NFATC2: variants seen among roughly 807,000 people sequenced by gnomAD.
NFATC2 encodes the protein nuclear factor of activated T-cells, cytoplasmic 2.
A neutral mutation model predicts 87.3 loss-of-function variants in NFATC2; 22 were observed. That is an observed-to-expected ratio of 0.25 (90% CI 0.18 to 0.36). The LOEUF (loss-of-function observed/expected upper bound fraction) is 0.36. NFATC2 is among the 10% of genes least tolerant of loss of function. The pLI is 1.00. For missense variants in NFATC2, 1,149 were observed against 1,259.1 expected, an observed-to-expected ratio of 0.91 and a Z score of 1.32; for synonymous variants, 565 against 542.2, an observed-to-expected ratio of 1.04 and a Z score of -0.58.
chr20:51,508,296 G>A (rs1012163509), intron 3 of NFATC2, among the ~76,000 whole-genome samples: 8 of 151,950 alleles, frequency 5.3e-5, no homozygotes, highest in Non-Finnish European at 7.4e-5. Context: ...CGACCCTGGC[G>A]CACCCTCCCC....
rs1419784527 is a variant in NFATC2 at position 51,474,002 on chromosome 20, A to T, written c.1686T>A (p.Thr562=). ...ESSGRIVSLQ[T]ASNPIECSQR... is the part of the protein sequence containing the mutation. ...TACAGCACTCGATGGGGTTAGATGC[A>T]GTCTGTAAAGAGACGATTCTGCCAC... Residue 562 remains threonine (T), a synonymous_variant, in exon 5 of 11, where the codon ACT becomes ACA. Transcript: ENST00000371564. 1 of 1,614,264 alleles carries T rather than the reference A, an allele frequency of 6.2e-7. No homozygotes were observed. The highest frequency in any genetic ancestry group is 8.5e-7 in the Non-Finnish European group (1 of 1,180,034).
At position 51,423,478 on chromosome 20, in the gene NFATC2, G is replaced by T. The variant is rs142970926; in HGVS notation, c.2722+8589C>A. Among the ~76,000 whole-genome samples, 112 of 152,190 alleles carry T rather than the reference G, an allele frequency of 7.4e-4. 1 individual carries two copies. The East Asian group carries it at 0.02, about 28-fold the overall frequency. On this transcript the variant is annotated intron_variant, in intron 9 of 10. Coordinates refer to ENST00000371564, the MANE Select transcript of NFATC2 (RefSeq NM_012340.5). Reference sequence around the variant, plus strand: ...CATAGCACACCCACAGAGCAGGGAAGTGAGTCTTAGCCCTTCTGCCCTGTG... The same window carrying T: ...CATAGCACACCCACAGAGCAGGGAATTGAGTCTTAGCCCTTCTGCCCTGTG...
At chr20:51,437,132 C>T (rs1018046121) in intron 6 of NFATC2, among the ~76,000 whole-genome samples, 1 of 143,458 alleles carries the variant, frequency 7.0e-6, no homozygotes, top group African/African-American at 2.6e-5. Context: ...AAAAAAAAAA[C>T]CCTGCATTTG....
At position 51,432,575 on chromosome 20, in the gene NFATC2, A is replaced by G; in HGVS notation, c.2214T>C (p.Pro738=). The change falls in exon 9 of 11, where the codon CCT becomes CCC. Residue 738 remains proline, a synonymous_variant. Transcript: ENST00000371564. This position sits in a 1 kb window ranked among gnomAD's most constrained non-coding sequence, Gnocchi z 4.6. ...CQQFRTGLSS[P]DARYQQQNPA... ...GGTTCTGTTGCTGGTAGCGGGCGTC[A>G]GGGGATGAGAGCCCCGTGCGGAACT... 1 of 1,533,060 alleles carries G rather than the reference A, an allele frequency of 6.5e-7. No individual in the cohort carries two copies. The highest frequency in any genetic ancestry group is 8.8e-7 in the Non-Finnish European group (1 of 1,141,194). 95.0% of individuals were successfully genotyped at this position (1,533,060 alleles called of 1,614,324 possible).
At chr20:51,537,552 C>A (rs2076740685) in intron 1 of NFATC2, among the ~76,000 whole-genome samples, 1 of 152,208 alleles carries the variant, frequency 6.6e-6, no homozygotes, top group Non-Finnish European at 1.5e-5. Flanking sequence ...GATGTGAGCA[C>A]TCCCCACATA....
intron 9 of NFATC2, among the ~76,000 whole-genome samples, chr20:51,404,428 T>C (rs1282241031): frequency 6.6e-6 from 1 of 152,242 alleles, no homozygotes; most frequent in Non-Finnish European, 1.5e-5. Context: ...AGGCACATCA[T>C]AAGAACTCTG....
chr20:51,440,677 G>A (rs1984206141), intron 6 of NFATC2, among the ~76,000 whole-genome samples: 1 of 152,188 alleles, frequency 6.6e-6, no homozygotes, highest in African/African-American at 2.4e-5. Flanking sequence ...GGGCAGCCAA[G>A]GAATCTGGCC....
intron 3 of NFATC2, among the ~76,000 whole-genome samples, chr20:51,506,296 C>T (rs1446019148): frequency 6.6e-6 from 1 of 152,236 alleles, no homozygotes; most frequent in Non-Finnish European, 1.5e-5. Flanking sequence ...AGGCTGCATG[C>T]CTGCCCAAGC....
chr20:51,444,820 G>C (rs1984838784), intron 6 of NFATC2, among the ~76,000 whole-genome samples: 1 of 152,150 alleles, frequency 6.6e-6, no homozygotes, highest in African/African-American at 2.4e-5. Flanking sequence ...CCAGCAGACA[G>C]GGGTGGGGTG....
At chr20:51,472,345 G>A (rs947635758) in intron 5 of NFATC2, among the ~76,000 whole-genome samples, 5 of 152,116 alleles carry the variant, frequency 3.3e-5, no homozygotes, top group South Asian at 4.1e-4. Context: ...TAGCAGCAGC[G>A]CATTTAGATA....
chr20:51,550,119 G>C (rs993929121), intron 1 of NFATC2, among the ~76,000 whole-genome samples: 1 of 152,162 alleles, frequency 6.6e-6, no homozygotes, highest in Non-Finnish European at 1.5e-5. Flanking sequence ...TGAGGCAGGA[G>C]GATGGCCTGA....
intron 5 of NFATC2, among the ~76,000 whole-genome samples, chr20:51,472,344 C>T (rs965606562): frequency 3.3e-5 from 5 of 152,128 alleles, no homozygotes; most frequent in African/African-American, 9.7e-5. Flanking sequence ...GTAGCAGCAG[C>T]GCATTTAGAT....
rs751931947 is a variant in NFATC2 at position 51,391,342 on chromosome 20, G to A, written c.*154C>T. ...GAAAGGAGACAGAAGGTGAGGGGCT[G>A]TGGAGGGCTCCGAGGGGTCAGATAC... On this transcript the variant is annotated 3_prime_UTR_variant, in exon 11 of 11. Transcript: ENST00000371564. 6.4e-7 allele frequency: 1 copy of A among 1,572,618 alleles called. No homozygotes were observed. The highest frequency in any genetic ancestry group is 8.8e-7 in the Non-Finnish European group (1 of 1,142,568).
chr20:51,486,790 T>C (rs1460075827), intron 3 of NFATC2, among the ~76,000 whole-genome samples: 1 of 152,186 alleles, frequency 6.6e-6, no homozygotes, highest in African/African-American at 2.4e-5. Context: ...CTCATTCATG[T>C]CTGGAACAGA....
intron 1 of NFATC2, among the ~76,000 whole-genome samples, chr20:51,528,759 C>A (rs1361113563): frequency 6.6e-6 from 1 of 152,106 alleles, no homozygotes; most frequent in African/African-American, 2.4e-5. Context: ...GTAATGAAAC[C>A]CTGTTTTACG....
chr20:51,438,988 G>T (rs1983962370), intron 6 of NFATC2, among the ~76,000 whole-genome samples: 1 of 152,234 alleles, frequency 6.6e-6, no homozygotes, highest in Admixed American at 6.5e-5. Flanking sequence ...ATCATTGTGA[G>T]GCTAGAAGGT....
intron 1 of NFATC2, among the ~76,000 whole-genome samples, chr20:51,560,771 C>A (rs755870614): frequency 6.6e-6 from 1 of 152,228 alleles, no homozygotes; most frequent in Non-Finnish European, 1.5e-5. Flanking sequence ...AATCCCTGCA[C>A]GCATGAGCAT....
intron 3 of NFATC2, among the ~76,000 whole-genome samples, chr20:51,496,489 A>C (rs1246693523): frequency 6.6e-6 from 1 of 150,692 alleles, no homozygotes; most frequent in African/African-American, 2.4e-5. Context: ...TCCCTGAGGC[A>C]AAGTGAACCT....
In NFATC2 at chr20:51,435,222, T is replaced by C; in HGVS notation, c.1998A>G (p.Lys666=). Residue 666 remains lysine, a synonymous_variant, in exon 8 of 11, where the codon AAA becomes AAG. Transcript: ENST00000371564. Reference sequence around the variant, plus strand: ...AGGTAAAGTGCTGAGGCTGACTTCGTTTTCTCTTCCCATTGATGACGTAGA... The same window carrying C: ...AGGTAAAGTGCTGAGGCTGACTTCGCTTTCTCTTCCCATTGATGACGTAGA... ...VNFYVINGKR[K]RSQPQHFTYH... 6.2e-7 allele frequency: 1 copy of C among 1,614,150 alleles called. No individual in the cohort carries two copies. Among genetic ancestry groups the C allele is most frequent in the African/African-American group, 1.3e-5 (1 of 75,034 alleles).
Sources: allele counts gnomAD v4.1 joint callset (sites outside exome capture counted in the v4.1 genomes callset), GRCh38; gene constraint gnomAD v4.1.1; non-coding constraint Gnocchi (gnomAD v3.1); transcripts MANE v1.5; gene names NCBI Gene and HGNC (gene_info 2026-07-23, HGNC 2026-07-21).